Variants in CSMD3 observed in about 807,000 individuals in gnomAD.
CSMD3 encodes CUB and sushi domain-containing protein 3.
Under a neutral mutation model 435.2 loss-of-function variants are expected in CSMD3, and 177 were observed. That is an observed-to-expected ratio of 0.41 (90% CI 0.36 to 0.46). The LOEUF (loss-of-function observed/expected upper bound fraction) is 0.46, where lower values mean the gene tolerates loss of function less well. CSMD3 is among the 20% of genes least tolerant of loss of function. The pLI, the probability that CSMD3 is intolerant of heterozygous loss-of-function variation, is 0.34. For missense variants in CSMD3, 4,265 were observed against 4,504.6 expected, an observed-to-expected ratio of 0.95 and a Z score of 1.52; for synonymous variants, 1,656 against 1,520.5, an observed-to-expected ratio of 1.09 and a Z score of -2.07.
chr8:113,241,321 C>A (rs1448525091), intron 3 of CSMD3, among the ~76,000 whole-genome samples: 1 of 151,938 alleles, frequency 6.6e-6, no homozygotes, highest in Non-Finnish European at 1.5e-5. Context: ...TGTTATGTTC[C>A]ATTCACGCCT....
intron 5 of CSMD3, among the ~76,000 whole-genome samples, chr8:113,020,786 C>T (rs2086659070): frequency 6.6e-6 from 1 of 152,076 alleles, no homozygotes; most frequent in Non-Finnish European, 1.5e-5. Flanking sequence ...TATTCTCTCA[C>T]CTTTTGGCAA....
chr8:113,432,301 T>C (rs2094679017), intron 1 of CSMD3, among the ~76,000 whole-genome samples: 1 of 152,172 alleles, frequency 6.6e-6, no homozygotes, highest in Admixed American at 6.5e-5. Flanking sequence ...AGCAACTCGG[T>C]GGTGCAAAGC....
Position 112,355,696 on chromosome 8 carries a change from G to C in CSMD3, c.6137-3162C>G, listed in dbSNP as rs1291460890. ...AAAATATAAAAAATTAGCCAGGCGT[G>C]GTGGCAGGTGCCTGTAGTCCCAGCT... On this transcript the variant is annotated intron_variant, in intron 38 of 70. Transcript: ENST00000297405. Among the ~76,000 whole-genome samples the C allele has an allele frequency of 5.3e-5, 8 of 152,190 alleles. No individual in the cohort carries two copies. The East Asian group carries it at 1.5e-3, about 29-fold the overall frequency.
rs186647165 is a variant in CSMD3 at position 112,962,711 on chromosome 8, T to C, written c.1343-7950A>G. Among the ~76,000 whole-genome samples, 60 of 152,120 alleles carry C rather than the reference T, an allele frequency of 3.9e-4. No homozygotes were observed. The East Asian group carries it at 0.011, about 27-fold the overall frequency. On this transcript the variant is annotated intron_variant, in intron 7 of 70. Coordinates refer to ENST00000297405, the MANE Select transcript of CSMD3 (RefSeq NM_198123.2). ...GATGGGTTCTGATGGTTGTATTTAA[T>C]GCAGTGTTTTACTGCTAATTTCATG...
intron 43 of CSMD3, 79 bp from the exon 44 acceptor site, chr8:112,336,908 C>G (rs1824624222): frequency 1.7e-6 from 2 of 1,175,708 alleles, no homozygotes; most frequent in Non-Finnish European, 2.5e-6. Flanking sequence ...AAACATTTCA[C>G]ATATCTTAAG....
chr8:113,034,078 G>A (rs2087238039), intron 5 of CSMD3, among the ~76,000 whole-genome samples: 1 of 151,504 alleles, frequency 6.6e-6, no homozygotes, highest in South Asian at 2.1e-4. Context: ...ATGCAGAACT[G>A]TGAGTCAATT....
At chr8:112,666,208 G>T in intron 17 of CSMD3, 69 bp downstream of exon 17, 2 of 1,202,478 alleles carry the variant, frequency 1.7e-6, no homozygotes, top group Non-Finnish European at 2.4e-6. Context: ...TTTGGTAAAT[G>T]CAAAAGAGAA....
intron 7 of CSMD3, among the ~76,000 whole-genome samples, chr8:112,958,744 A>G (rs1175948699): frequency 1.3e-5 from 2 of 152,138 alleles, no homozygotes; most frequent in African/African-American, 2.4e-5. Flanking sequence ...TTTGTTTCCA[A>G]TATCAACTTT....
chr8:113,002,221 C>T (rs1332898328), intron 6 of CSMD3, among the ~76,000 whole-genome samples: 3 of 151,992 alleles, frequency 2.0e-5, no homozygotes, highest in Non-Finnish European at 2.9e-5. Flanking sequence ...ATGAGACTCC[C>T]GGAGCAGCTA....
chr8:113,353,322 T>A (rs982707957), intron 1 of CSMD3, among the ~76,000 whole-genome samples: 15 of 150,960 alleles, frequency 9.9e-5, no homozygotes, highest in South Asian at 4.2e-4. Flanking sequence ...TTTTAAAAAA[T>A]TTTGCATATG....
chr8:113,394,469 T>C (rs1462412548), intron 1 of CSMD3, among the ~76,000 whole-genome samples: 3 of 152,028 alleles, frequency 2.0e-5, no homozygotes, highest in African/African-American at 7.2e-5. Flanking sequence ...TAAATGAAAA[T>C]ATGGCCTGAA....
At chr8:112,282,678 T>C (rs192430538) in intron 58 of CSMD3, among the ~76,000 whole-genome samples, 1 of 152,046 alleles carries the variant, frequency 6.6e-6, no homozygotes, top group Admixed American at 6.6e-5. Context: ...ATACACAAAT[T>C]TCTCCTATCC....
At chr8:112,233,125 T>C (rs902888299) in intron 68 of CSMD3, among the ~76,000 whole-genome samples, 2 of 152,176 alleles carry the variant, frequency 1.3e-5, no homozygotes, top group African/African-American at 4.8e-5. Flanking sequence ...ATAAGTAAAA[T>C]AGGAAATGTT....
rs556074408 is a variant in CSMD3, at chr8:112,271,917, A to G, written c.9509-6327T>C. ...AGTATTAAAAGGTAGGGGCTTTGGG[A>G]AGTTATTAAGTCATGAGGGCCCTCT... On this transcript the variant is annotated intron_variant, in intron 59 of 70. Coordinates refer to ENST00000297405, the MANE Select transcript of CSMD3 (RefSeq NM_198123.2). 3.3e-5 allele frequency among the ~76,000 whole-genome samples: 5 copies of G among 152,274 alleles called. No homozygotes were observed. The East Asian group carries it at 9.7e-4, about 29-fold the overall frequency.
chr8:112,706,457 G>A (rs2076501110), intron 13 of CSMD3, among the ~76,000 whole-genome samples: 1 of 152,008 alleles, frequency 6.6e-6, no homozygotes, highest in South Asian at 2.1e-4. Context: ...GATTATAACA[G>A]AAAGATGAAC....
chr8:112,677,748 AC>A (rs1260956100), intron 16 of CSMD3, among the ~76,000 whole-genome samples: 2 of 152,036 alleles, frequency 1.3e-5, no homozygotes, highest in Non-Finnish European at 2.9e-5. Flanking sequence ...CAACTTCACA[AC>A]AAAAAATAGT....
intron 38 of CSMD3, among the ~76,000 whole-genome samples, chr8:112,367,048 T>C (rs1250857341): frequency 2.0e-5 from 3 of 152,162 alleles, no homozygotes; most frequent in African/African-American, 2.4e-5. Context: ...CCTTGCTTTG[T>C]ATGTCTGTAA....
chr8:112,925,196 A>G (rs1289184223), intron 9 of CSMD3, among the ~76,000 whole-genome samples: 1 of 151,844 alleles, frequency 6.6e-6, no homozygotes, highest in Non-Finnish European at 1.5e-5. Flanking sequence ...TACAATGTCT[A>G]CTCTGCCAGG....
At chr8:113,401,616 T>C (rs1477881517) in intron 1 of CSMD3, among the ~76,000 whole-genome samples, 2 of 151,670 alleles carry the variant, frequency 1.3e-5, no homozygotes, top group African/African-American at 4.8e-5. Flanking sequence ...TTTTAAGATA[T>C]TTACTTTTAT....
Sources: allele counts gnomAD v4.1 joint callset (sites outside exome capture counted in the v4.1 genomes callset), GRCh38; gene constraint gnomAD v4.1.1; transcripts MANE v1.5; gene names NCBI Gene and HGNC (gene_info 2026-07-23, HGNC 2026-07-21).